The following ZNF487 variants were observed in gnomAD, a reference collection of about 807,000 sequenced individuals.
ZNF487 encodes the protein zinc finger protein 487.
Under a neutral mutation model 3.0 loss-of-function variants are expected in ZNF487, and 4 were observed. That is an observed-to-expected ratio of 1.35 (90% CI 0.66 to 3.08). The LOEUF (loss-of-function observed/expected upper bound fraction) is 3.08, where lower values mean the gene tolerates loss of function less well. Ranked by LOEUF, ZNF487 falls within the 30% of genes most tolerant of loss-of-function variation. The pLI is 0.01. For missense variants in ZNF487, 146 were observed against 98.7 expected (o/e 1.48, Z -2.03); for synonymous variants, 55 against 34.6 (o/e 1.59, Z -2.06).
At chr10:43,487,128 C>A (rs377629151), downstream of ZNF487, among the ~76,000 whole-genome samples, 22 of 147,104 alleles carry the variant, frequency 1.5e-4, no homozygotes, top group African/African-American at 4.9e-4. Flanking sequence ...ATATTCTAGT[C>A]ACTAAGAATT....
At chr10:43,450,946 T>A (rs942955665) in intron 1 of ZNF487, among the ~76,000 whole-genome samples, 8 of 152,030 alleles carry the variant, frequency 5.3e-5, no homozygotes, top group South Asian at 2.1e-4. Context: ...TTATTATTTT[T>A]TTATTATTAT....
At chr10:43,456,740 C>T (rs1342643070) in intron 1 of ZNF487, among the ~76,000 whole-genome samples, 2 of 151,982 alleles carry the variant, frequency 1.3e-5, no homozygotes, top group African/African-American at 4.8e-5. Context: ...GACACCATGC[C>T]CGGTTAATTT....
chr10:43,493,709 A>AAAAAAAAAATATATATATATAT, the ZNF487 span, among the ~76,000 whole-genome samples: 1 of 43,718 alleles, frequency 2.3e-5, no homozygotes, highest in African/African-American at 8.7e-5. Context: ...AAAAAAAAAA[A>AAAAAAAAAATATATATATATAT]ATATATATAT....
chr10:43,489,919 A>G, the ZNF487 span, among the ~76,000 whole-genome samples: 57 of 152,348 alleles, frequency 3.7e-4, no homozygotes, highest in East Asian at 6.6e-3. Flanking sequence ...CAGTCACATC[A>G]GTATTCACGT....
the ZNF487 span, among the ~76,000 whole-genome samples, chr10:43,516,327 CT>C: frequency 3.9e-4 from 59 of 152,166 alleles, no homozygotes; most frequent in African/African-American, 1.4e-3. Flanking sequence ...ATTTTTGGGT[CT>C]AATCATAGCA....
the ZNF487 span, among the ~76,000 whole-genome samples, chr10:43,492,048 G>A: frequency 4.0e-5 from 6 of 151,682 alleles, no homozygotes; most frequent in East Asian, 3.9e-4. Context: ...ATTCTTCCAC[G>A]TCAGCCTCCT....
chr10:43,436,962 G>T (rs763842170), upstream of ZNF487: 1 of 452,816 alleles, frequency 2.2e-6, no homozygotes, highest in South Asian at 1.6e-5. Flanking sequence ...CGGACAAGAG[G>T]GCAGCTGGTA....
the ZNF487 span, among the ~76,000 whole-genome samples, chr10:43,489,413 A>G: frequency 6.6e-6 from 1 of 152,146 alleles, no homozygotes; most frequent in East Asian, 1.9e-4. Context: ...GAGTGCAATA[A>G]TGTGATCTCG....
chr10:43,496,782 G>C, the ZNF487 span, among the ~76,000 whole-genome samples: 2 of 152,066 alleles, frequency 1.3e-5, no homozygotes, highest in Non-Finnish European at 2.9e-5. Context: ...CCAATGTCAC[G>C]TTACATCCTC....
the ZNF487 span, among the ~76,000 whole-genome samples, chr10:43,499,260 G>C: frequency 8.0e-5 from 12 of 150,478 alleles, no homozygotes; most frequent in Non-Finnish European, 1.8e-4. Flanking sequence ...GTATTGGAGA[G>C]TAAAGAGTGG....
chr10:43,449,727 T>C (rs569271155), intron 1 of ZNF487, among the ~76,000 whole-genome samples: 1 of 151,910 alleles, frequency 6.6e-6, no homozygotes, highest in Non-Finnish European at 1.5e-5. Flanking sequence ...TCGCCCAGTC[T>C]GGAGTGCAGT....
rs1841429549 is a variant in ZNF487 at position 43,483,161 on chromosome 10, A to G, written c.*1239A>G. Reference sequence around the variant, plus strand: ...AGGTTGGGGTGAGAACACCCAATAAAGATGAGAAATCTTTTGCCTAGAAGT... The same window carrying G: ...AGGTTGGGGTGAGAACACCCAATAAGGATGAGAAATCTTTTGCCTAGAAGT... On this transcript the variant is annotated 3_prime_UTR_variant, in exon 4 of 4. Coordinates refer to ENST00000437590, the MANE Select transcript of ZNF487 (RefSeq NM_001355444.3). The G allele has an allele frequency of 2.3e-6, 1 of 442,020 alleles. No homozygotes were observed. Among genetic ancestry groups the G allele is most frequent in the African/African-American group, 2.0e-5 (1 of 49,102 alleles). The allele number at this position is 442,020 out of a possible 1,614,324, so 27.4% of individuals were successfully genotyped here.
chr10:43,498,099 A>ATATC, the ZNF487 span, among the ~76,000 whole-genome samples: 1 of 20,188 alleles, frequency 5.0e-5, no homozygotes, highest in Admixed American at 9.0e-4. Context: ...ATATATATAT[A>ATATC]TTTTTTTTTT....
At chr10:43,494,955 G>A in the ZNF487 span, among the ~76,000 whole-genome samples, 9 of 141,850 alleles carry the variant, frequency 6.3e-5, no homozygotes, top group Non-Finnish European at 1.2e-4. Context: ...AAAAAAATCA[G>A]CACGCTGGAA....
At position 43,482,272 on chromosome 10, in the gene ZNF487, T is replaced by A; in HGVS notation, c.*350T>A. 1 of 395,368 alleles carries A rather than the reference T, an allele frequency of 2.5e-6. No homozygotes were observed. 24.5% of individuals were successfully genotyped at this position (395,368 alleles called of 1,614,324 possible). On this transcript the variant is annotated 3_prime_UTR_variant, in exon 4 of 4. Coordinates refer to ENST00000437590, the MANE Select transcript of ZNF487 (RefSeq NM_001355444.3). ...AAATTAATCAGTATGCTAGTACATT[T>A]TGCTGTAAGCCAAAGCATTCTGTAT...
intron 1 of ZNF487, among the ~76,000 whole-genome samples, chr10:43,439,862 CAG>C (rs1454827784): frequency 6.6e-6 from 1 of 151,990 alleles, no homozygotes; most frequent in Non-Finnish European, 1.5e-5. Context: ...TTCATGTAAA[CAG>C]AAAAGTAGAA....
Position 43,461,589 on chromosome 10 carries a change from G to A in ZNF487, c.-93-14132G>A, listed in dbSNP as rs540201774. On this transcript the variant is annotated intron_variant, in intron 1 of 3. Transcript: ENST00000437590. ...TCCTGTCTTGGCCTCCCAAAACATC[G>A]GGATTACAGGTATGAGCCACTGCCC... Among the ~76,000 whole-genome samples the A allele has an allele frequency of 5.3e-5, 8 of 152,136 alleles. No individual in the cohort carries two copies. In the East Asian group the frequency reaches 1.4e-3, roughly 26 times the overall value.
At chr10:43,489,647 C>T in the ZNF487 span, among the ~76,000 whole-genome samples, 3 of 152,192 alleles carry the variant, frequency 2.0e-5, no homozygotes, top group Admixed American at 6.5e-5. Flanking sequence ...AGCCACCACA[C>T]CTGGCCTAGA....
intron 1 of ZNF487, among the ~76,000 whole-genome samples, chr10:43,447,713 C>T (rs2492403): frequency 0.46 from 70,271 of 151,976 alleles, 18,579 homozygotes; most frequent in East Asian, 0.73. Context: ...TCAAGTGGGA[C>T]GCTGCAGGTC....
Sources: gnomAD v4.1 joint callset for allele counts (sites outside exome capture counted in the v4.1 genomes callset) on GRCh38, gnomAD v4.1.1 for gene constraint, MANE v1.5 for transcripts, NCBI Gene and HGNC (gene_info 2026-07-23, HGNC 2026-07-21) for gene names.